The following LMBR1L variants were observed in gnomAD, a reference collection of about 807,000 sequenced individuals.
The protein encoded by LMBR1L is protein LMBR1L.
A neutral mutation model predicts 67.3 loss-of-function variants in LMBR1L; 47 were observed. The ratio of observed to expected loss-of-function variants is 0.70; its 90% CI spans 0.55 to 0.89. LMBR1L has a LOEUF of 0.89. Among genes scored for constraint, LMBR1L ranks in the 40% least tolerant of loss-of-function variants. LMBR1L has a pLI of 0.00. For missense variants in LMBR1L, 533 were observed against 599.2 expected (o/e 0.89, Z 1.15); for synonymous variants, 247 against 250.3 (o/e 0.99, Z 0.13).
Position 49,107,036 on chromosome 12 carries a change from G to C in LMBR1L, c.82C>G (p.Leu28Val), listed in dbSNP as rs1404587160. 1.9e-6 allele frequency: 3 copies of C among 1,611,980 alleles called. No homozygotes were observed. Among genetic ancestry groups the C allele is most frequent in the Admixed American group, 3.3e-5 (2 of 60,006 alleles). Residue 28 changes from leucine to valine, a missense_variant, in exon 2 of 17, where the codon CTT becomes GTT. Coordinates refer to ENST00000267102, the MANE Select transcript of LMBR1L (RefSeq NM_018113.4). The part of the protein sequence containing the change: ...ERIRECIIST[L>V]LFATLYILCH... ...AGGATGTACAGTGTTGCAAACAGAA[G>C]TGTTGATATCTGTAGCAGAATATGA...
rs756596311 is a variant in LMBR1L, at chr12:49,100,381, T to C, written c.1240+7A>G. On this transcript the variant is annotated splice_region_variant and intron_variant, in intron 15 of 16. Coordinates refer to ENST00000267102, the MANE Select transcript of LMBR1L (RefSeq NM_018113.4). Reference sequence around the variant, plus strand: ...CAATTCCTTTATCTCCTCCTTTCAATACTTACCCAGGGTTCGAGAGAAGAC... The same window carrying C: ...CAATTCCTTTATCTCCTCCTTTCAACACTTACCCAGGGTTCGAGAGAAGAC... 6.2e-7 allele frequency: 1 copy of C among 1,609,880 alleles called. No homozygotes were observed. Among genetic ancestry groups the C allele is most frequent in the South Asian group, 1.1e-5 (1 of 90,978 alleles).
rs1239626292 is a variant in LMBR1L, at chr12:49,100,557, T to C, written c.1172A>G (p.Gln391Arg). Reference sequence around the variant, plus strand: ...CTTCCCTTACTCCCTCCCAGCTACCTGCGTCATGGCAGTGTCGTGCCATCT... The same window carrying C: ...CTTCCCTTACTCCCTCCCAGCTACCCGCGTCATGGCAGTGTCGTGCCATCT... ...RPRWHDTAMT[Q>R]IIGNCVCLLV... Residue 391 changes from glutamine (Q) to arginine (R), a missense_variant and splice_region_variant, in exon 14 of 17, where the codon CAG becomes CGG. Physicochemically the swap from Gln to Arg is conservative, Grantham distance 43. Coordinates refer to ENST00000267102, the MANE Select transcript of LMBR1L (RefSeq NM_018113.4). 9 of 1,613,988 alleles carry C rather than the reference T, an allele frequency of 5.6e-6. No individual in the cohort carries two copies. Among genetic ancestry groups the C allele is most frequent in the Non-Finnish European group, 6.8e-6 (8 of 1,179,900 alleles).
At chr12:49,108,171 G>A (rs911976606) in intron 1 of LMBR1L, among the ~76,000 whole-genome samples, 3 of 152,138 alleles carry the variant, frequency 2.0e-5, no homozygotes, top group African/African-American at 7.2e-5. Context: ...GCTGAGGCAG[G>A]AGAATCACTT....
chr12:49,105,851 T>G, intron 3 of LMBR1L, 73 bp downstream of exon 3: 2 of 1,292,140 alleles, frequency 1.5e-6, no homozygotes, highest in Non-Finnish European at 1.1e-6. Context: ...CCCTTCTCCC[T>G]CCAGCTCCAG....
At position 49,100,988 on chromosome 12, in the gene LMBR1L, C is replaced by T. The variant is rs995261908; in HGVS notation, c.1082+262G>A. ...AAGCAATCTACCCGCCTCAGCCTCC[C>T]AAAGTGCTAGGATTACAGGTGTGAG... On this transcript the variant is annotated intron_variant, in intron 13 of 16. Transcript: ENST00000267102. The T allele has an allele frequency of 1.8e-5, 12 of 669,152 alleles. No individual in the cohort carries two copies. In the African/African-American group the frequency reaches 2.0e-4, roughly 11 times the overall value. The allele number at this position is 669,152 out of a possible 1,614,324, so 41.5% of individuals were successfully genotyped here. A position where few individuals can be genotyped will look rare whatever the true frequency, so the allele number is the denominator to read the frequency against.
chr12:49,101,138 C>T lies in LMBR1L; in HGVS notation c.1082+112G>A, dbSNP rs543989968. ...GTTGATGAAAACTTGCCCCACTTCC[C>T]ATCAGCGTTGCTCAGAGTCCCAAAG... is the stretch of plus-strand genomic sequence containing the variant. On this transcript the variant is annotated intron_variant, in intron 13 of 16. Transcript: ENST00000267102. 5.6e-5 allele frequency: 89 copies of T among 1,602,850 alleles called. 1 individual carries two copies. The East Asian group carries it at 1.7e-3, about 31-fold the overall frequency.
At chr12:49,109,664 G>A (rs1941311881) in intron 1 of LMBR1L, 2 of 456,264 alleles carry the variant, frequency 4.4e-6, no homozygotes, top group Non-Finnish European at 8.8e-6. Flanking sequence ...AAAGGAGAGA[G>A]GTGAAAATTC....
At chr12:49,104,350 A>T in intron 5 of LMBR1L, 98 bp downstream of exon 5, 1 of 925,868 alleles carries the variant, frequency 1.1e-6, no homozygotes, top group Non-Finnish European at 1.7e-6. Flanking sequence ...AACTTCCGTT[A>T]ACTAAACCTC....
Position 49,106,135 on chromosome 12 carries a change from T to C in LMBR1L, c.158-178A>G. The C allele has an allele frequency of 5.2e-6, 3 of 582,238 alleles. No individual in the cohort carries two copies. The South Asian group carries it at 6.9e-5, about 13-fold the overall frequency. 36.1% of individuals were successfully genotyped at this position (582,238 alleles called of 1,614,324 possible). A position where few individuals can be genotyped will look rare whatever the true frequency, so the allele number is the denominator to read the frequency against. ...TCCATAGCCTGTTCTCCAGCCAAGG[T>C]GGCAGCTTAAAAATCAGTGGTCCCA... is the stretch of plus-strand genomic sequence containing the variant. On this transcript the variant is annotated intron_variant, in intron 2 of 16. Transcript: ENST00000267102.
At chr12:49,110,198 C>T (rs1164797403) in intron 1 of LMBR1L, 2 of 542,230 alleles carry the variant, frequency 3.7e-6, no homozygotes, top group African/African-American at 1.9e-5. Context: ...ACCCCGGAGA[C>T]CCCCAACAGG....
Position 49,100,412 on chromosome 12 carries a change from G to C in LMBR1L, c.1216C>G (p.Leu406Val). 1 of 1,613,976 alleles carries C rather than the reference G, an allele frequency of 6.2e-7. No homozygotes were observed. The highest frequency in any genetic ancestry group is 8.5e-7 in the Non-Finnish European group (1 of 1,179,804). ...CCCAGGGTTCGAGAGAAGACAGGAA[G>C]TGCTGAGCTTAGGACCAGGAGACAG... ...CVCLLVLSSA[L>V]PVFSRTLGLT... The change falls in exon 15 of 17, where the codon CTT (leucine) becomes GTT (valine). Residue 406 changes from leucine (L) to valine (V), a missense_variant. By Grantham distance (32) the Leu-to-Val change is conservative. This residue lies in a region of LMBR1L where 223 missense variants were observed against 241.2 expected (regional missense o/e 0.92). Transcript: ENST00000267102.
chr12:49,097,426 A>G lies in LMBR1L; in HGVS notation c.*246T>C. 1 of 541,250 alleles carries G rather than the reference A, an allele frequency of 1.8e-6. No individual in the cohort carries two copies. The highest frequency in any genetic ancestry group is 3.3e-6 in the Non-Finnish European group (1 of 298,942). 33.5% of individuals were successfully genotyped at this position (541,250 alleles called of 1,614,324 possible). A position where few individuals can be genotyped will look rare whatever the true frequency, so the allele number is the denominator to read the frequency against. On this transcript the variant is annotated 3_prime_UTR_variant, in exon 17 of 17. Transcript: ENST00000267102. ...AGATTGATGTGTAAACAGATTTGGG[A>G]TCAGGGGCTAGACCCAGTCACCCAG...
intron 5 of LMBR1L, 107 bp from the exon 6 acceptor site, chr12:49,103,920 AAGAG>A (rs1192648600): frequency 4.8e-6 from 6 of 1,253,252 alleles, no homozygotes; most frequent in Non-Finnish European, 6.6e-6. Context: ...TTCAGGAGGT[AAGAG>A]AGAGGGTTTT....
intron 15 of LMBR1L, among the ~76,000 whole-genome samples, chr12:49,099,134 T>C (rs1939785397): frequency 7.1e-6 from 1 of 140,008 alleles, no homozygotes; most frequent in African/African-American, 2.7e-5. Flanking sequence ...TTTTTTTTTT[T>C]TTTTTTTTCT....
rs774755270 is a variant in LMBR1L at position 49,102,953 on chromosome 12, T to C, written c.632-2A>G. ...GGGCGAGACCCAGTGGAGTACACAC[T>C]GTAGGGACAAGAGCCAGTCACTTGC... On this transcript the variant is annotated splice_acceptor_variant, in intron 7 of 16. Transcript: ENST00000267102. LOFTEE classifies it high-confidence loss of function. The C allele has an allele frequency of 1.2e-6, 2 of 1,614,076 alleles. No individual in the cohort carries two copies. Among genetic ancestry groups the C allele is most frequent in the Non-Finnish European group, 1.7e-6 (2 of 1,179,956 alleles).
chr12:49,101,671 G>T, intron 11 of LMBR1L, 122 bp from the exon 12 acceptor site: 1 of 694,300 alleles, frequency 1.4e-6, no homozygotes, highest in Non-Finnish European at 2.5e-6. Flanking sequence ...CTTCCAATGA[G>T]CTATATGGGA....
intron 2 of LMBR1L, 71 bp downstream of exon 2, chr12:49,106,890 C>T (rs1940977647): frequency 8.2e-7 from 1 of 1,225,714 alleles, no homozygotes; most frequent in African/African-American, 1.5e-5. Flanking sequence ...CAGTGGGTAC[C>T]ATAGGCCCAT....
Position 49,102,291 on chromosome 12 carries a change from A to C in LMBR1L, c.853+2T>G. On this transcript the variant is annotated splice_donor_variant, in intron 10 of 16. Coordinates refer to ENST00000267102, the MANE Select transcript of LMBR1L (RefSeq NM_018113.4). LOFTEE classifies it high-confidence loss of function. ...TATCCCAAGCCCTACGAAGCCACAT[A>C]CCCAGCAGGACCCTCTGTGTCTGCA... The C allele has an allele frequency of 1.2e-6, 2 of 1,614,024 alleles. No homozygotes were observed. The highest frequency in any genetic ancestry group is 1.7e-6 in the Non-Finnish European group (2 of 1,179,922).
intron 15 of LMBR1L, among the ~76,000 whole-genome samples, chr12:49,098,424 T>C (rs1183012987): frequency 1.3e-5 from 2 of 152,140 alleles, no homozygotes; most frequent in Admixed American, 1.3e-4. Context: ...CCAAGTTTTT[T>C]TTAGTAGACA....
Sources: allele counts gnomAD v4.1 joint callset (sites outside exome capture counted in the v4.1 genomes callset), GRCh38; gene constraint gnomAD v4.1.1; regional missense constraint gnomAD v4.1.1; transcripts MANE v1.5; gene names NCBI Gene and HGNC (gene_info 2026-07-23, HGNC 2026-07-21).